Variants in TRDN observed in about 807,000 individuals in gnomAD.
TRDN encodes triadin in skeletal muscle.
TRDN carries 161 observed loss-of-function variants against 149.7 expected under a neutral mutation model. That is an observed-to-expected ratio of 1.08 (90% CI 0.95 to 1.23). The LOEUF (loss-of-function observed/expected upper bound fraction) is 1.23. Ranked by LOEUF, TRDN falls within the 50% of genes most tolerant of loss-of-function variation. The pLI, the probability that TRDN is intolerant of heterozygous loss-of-function variation, is 0.00. For missense variants in TRDN, 896 were observed against 823.5 expected, an observed-to-expected ratio of 1.09 and a Z score of -1.08; for synonymous variants, 294 against 250.5, an observed-to-expected ratio of 1.17 and a Z score of -1.64.
chr6:123,271,239 C>T (rs2114612874), intron 29 of TRDN, 53 bp from the exon 30 acceptor site: 2 of 1,223,792 alleles, frequency 1.6e-6, no homozygotes, highest in Non-Finnish European at 2.2e-6. Flanking sequence ...ACATCAGTGA[C>T]ATATTTCAAC....
intron 1 of TRDN, among the ~76,000 whole-genome samples, chr6:123,590,851 G>C (rs1783743443): frequency 6.6e-6 from 1 of 152,140 alleles, no homozygotes; most frequent in African/African-American, 2.4e-5. Context: ...CATGTCCCCT[G>C]CCCTGGCCTG....
At chr6:123,583,930 A>C (rs1216316687) in intron 1 of TRDN, 1 of 267,058 alleles carries the variant, frequency 3.7e-6, no homozygotes, top group African/African-American at 2.3e-5. Context: ...CCTTGAGGAT[A>C]GATTTCCACG....
intron 5 of TRDN, among the ~76,000 whole-genome samples, 128 bp downstream of exon 5, chr6:123,530,353 ATATACATTTATAACTGAAATTAACT>A (rs1183834042): frequency 2.2e-4 from 7 of 32,400 alleles, no homozygotes; most frequent in African/African-American, 5.0e-4. Context: ...AAATTAACTG[ATATACATTTATAACTGAAATTAACT>A]GAGGAGTAAA....
At chr6:123,318,475 C>A (rs1433567691) in intron 23 of TRDN, among the ~76,000 whole-genome samples, 1 of 152,042 alleles carries the variant, frequency 6.6e-6, no homozygotes, top group Non-Finnish European at 1.5e-5. Context: ...TTTTCCCAAC[C>A]TATTTCCCTT....
In TRDN at chr6:123,419,804, T is replaced by A. The variant is rs72976560; in HGVS notation, c.1051+18259A>T. On this transcript the variant is annotated intron_variant, in intron 12 of 40. Coordinates refer to ENST00000334268, the MANE Select transcript of TRDN (RefSeq NM_006073.4). ...ACCTTGGGTGATACTACTGAGTACC[T>A]CCTGCCTCCCAAGTGCTAATGGTCA... is the stretch of plus-strand genomic sequence containing the variant. 8.3e-3 allele frequency among the ~76,000 whole-genome samples: 1,261 copies of A among 152,336 alleles called. 7 individuals carry two copies. Among genetic ancestry groups the A allele is most frequent in the Non-Finnish European group, 0.014 (952 of 68,034 alleles).
At chr6:123,633,350 C>T (rs1786115272) in intron 1 of TRDN, among the ~76,000 whole-genome samples, 2 of 151,958 alleles carry the variant, frequency 1.3e-5, no homozygotes, top group South Asian at 4.1e-4. Context: ...ATTGACCAAC[C>T]TAACAGTCTC....
chr6:123,294,678 G>A (rs548569779), intron 24 of TRDN, among the ~76,000 whole-genome samples: 36 of 151,992 alleles, frequency 2.4e-4, no homozygotes, highest in African/African-American at 7.0e-4. Flanking sequence ...CTTGTCCATC[G>A]CTCACATCCT....
rs375582994 is a variant in TRDN, at chr6:123,624,843, A to AC, written c.22+11910dup. Among the ~76,000 whole-genome samples the AC allele has an allele frequency of 2.5e-3, 383 of 152,282 alleles. 1 individual carries two copies. The highest frequency in any genetic ancestry group is 8.9e-3 in the African/African-American group (370 of 41,570). Reference sequence around the variant, plus strand: ...ATAGAGGTTCAAATAATGGGAGAACACTCAGATGGGATGACAGGGAACTAG... The same window carrying AC: ...ATAGAGGTTCAAATAATGGGAGAACACCTCAGATGGGATGACAGGGAACTAG... On this transcript the variant is annotated intron_variant, in intron 1 of 40. Transcript: ENST00000334268.
chr6:123,379,758 G>A (rs965845192), intron 16 of TRDN, among the ~76,000 whole-genome samples: 3 of 152,088 alleles, frequency 2.0e-5, no homozygotes, highest in Non-Finnish European at 4.4e-5. Context: ...TACAGGGACT[G>A]CAAACTCATG....
At chr6:123,259,754 A>G in intron 34 of TRDN, 92 bp from the exon 35 acceptor site, 2 of 874,402 alleles carry the variant, frequency 2.3e-6, no homozygotes, top group Non-Finnish European at 1.7e-6. Flanking sequence ...ATGAGACTTA[A>G]TCTTATGAGT....
chr6:123,561,919 T>C (rs1480484291), intron 2 of TRDN, among the ~76,000 whole-genome samples: 3 of 152,156 alleles, frequency 2.0e-5, no homozygotes, highest in Non-Finnish European at 2.9e-5. Flanking sequence ...TTTTTCTTAT[T>C]AATATAAGAA....
chr6:123,424,011 T>C (rs548605450), intron 12 of TRDN, among the ~76,000 whole-genome samples: 34 of 152,264 alleles, frequency 2.2e-4, no homozygotes, highest in Non-Finnish European at 3.2e-4. Flanking sequence ...GGTTAGAGTT[T>C]AGGGGAAGGG....
chr6:123,327,447 T>C (rs554998459), intron 23 of TRDN, among the ~76,000 whole-genome samples: 1 of 152,246 alleles, frequency 6.6e-6, no homozygotes, highest in South Asian at 2.1e-4. Flanking sequence ...TAAAGGGAAA[T>C]GATCACTTCC....
At chr6:123,611,535 G>T (rs1172616559) in intron 1 of TRDN, among the ~76,000 whole-genome samples, 2 of 152,204 alleles carry the variant, frequency 1.3e-5, no homozygotes, top group East Asian at 3.9e-4. Flanking sequence ...TAAGATAAAA[G>T]AAATAAATTC....
At chr6:123,454,063 T>C (rs1487584431) in intron 10 of TRDN, among the ~76,000 whole-genome samples, 12 of 151,894 alleles carry the variant, frequency 7.9e-5, no homozygotes, top group Non-Finnish European at 1.6e-4. Context: ...TCTCACTAAT[T>C]TGTGGGAGCT....
intron 7 of TRDN, among the ~76,000 whole-genome samples, chr6:123,508,993 A>T (rs1291848862): frequency 6.6e-6 from 1 of 152,278 alleles, no homozygotes. Context: ...ACACATATAA[A>T]ATAAAAATAA....
chr6:123,544,904 A>G (rs541407422), intron 4 of TRDN, among the ~76,000 whole-genome samples: 16 of 152,128 alleles, frequency 1.1e-4, no homozygotes, highest in Admixed American at 3.3e-4. Context: ...TTAATAATCA[A>G]TACTGCAACC....
At chr6:123,574,814 T>C (rs1030273723) in intron 1 of TRDN, among the ~76,000 whole-genome samples, 1 of 145,146 alleles carries the variant, frequency 6.9e-6, no homozygotes, top group Admixed American at 7.0e-5. Flanking sequence ...GGTCACATTG[T>C]AAAAAGGCTA....
At chr6:123,375,748 TA>T in intron 18 of TRDN, 117 bp from the exon 19 acceptor site, 1 of 782,538 alleles carries the variant, frequency 1.3e-6, no homozygotes, top group South Asian at 2.5e-5. Flanking sequence ...TATTGGAAGC[TA>T]AAGAAAAATA....
Sources: gnomAD v4.1 joint callset for allele counts (sites outside exome capture counted in the v4.1 genomes callset) on GRCh38, gnomAD v4.1.1 for gene constraint, MANE v1.5 for transcripts, NCBI Gene and HGNC (gene_info 2026-07-23, HGNC 2026-07-21) for gene names.